MRPS27: variants seen among roughly 807,000 people sequenced by gnomAD.
The protein encoded by MRPS27 is small ribosomal subunit protein mS27.
MRPS27 carries 43 observed loss-of-function variants against 48.9 expected under a neutral mutation model. The observed-to-expected ratio is 0.88, with a 90% CI of 0.69 to 1.13. MRPS27 has a LOEUF of 1.13. MRPS27 is among the 50% of genes most tolerant of loss of function. The pLI is 0.00. For missense variants in MRPS27, 467 were observed against 476.3 expected (o/e 0.98, Z 0.18); for synonymous variants, 188 against 171.9 (o/e 1.09, Z -0.73).
chr5:72,305,329 C>G (rs1396962876), intron 2 of MRPS27, among the ~76,000 whole-genome samples: 1 of 152,100 alleles, frequency 6.6e-6, no homozygotes, highest in African/African-American at 2.4e-5. Context: ...AAGCAGACTT[C>G]AGAAAATCTC....
intron 4 of MRPS27, among the ~76,000 whole-genome samples, chr5:72,271,526 A>G (rs1229453853): frequency 1.1e-4 from 16 of 152,230 alleles, no homozygotes; most frequent in Non-Finnish European, 1.0e-4. Flanking sequence ...CAAATGGCCT[A>G]GGAATTGCTC....
chr5:72,315,180 T>G (rs910358175), intron 1 of MRPS27, among the ~76,000 whole-genome samples: 21 of 152,080 alleles, frequency 1.4e-4, no homozygotes, highest in Admixed American at 2.6e-4. Flanking sequence ...GGAGAAAATA[T>G]TTGCAAAACA....
chr5:72,293,843 A>G (rs1580106564), intron 4 of MRPS27, among the ~76,000 whole-genome samples: 1 of 152,220 alleles, frequency 6.6e-6, no homozygotes, highest in Non-Finnish European at 1.5e-5. Flanking sequence ...GCATTTTGCT[A>G]TAAATAAAAA....
chr5:72,316,016 C>G (rs1177589607), intron 1 of MRPS27, among the ~76,000 whole-genome samples: 5 of 152,156 alleles, frequency 3.3e-5, no homozygotes, highest in Non-Finnish European at 7.3e-5. Flanking sequence ...GTGGTCTATC[C>G]TTACAATGGA....
chr5:72,281,061 A>G (rs1749521151), intron 4 of MRPS27, among the ~76,000 whole-genome samples: 1 of 152,186 alleles, frequency 6.6e-6, no homozygotes, highest in Non-Finnish European at 1.5e-5. Context: ...TGGCCCTTAC[A>G]CCTTGATGCC....
At chr5:72,285,937 T>C (rs1271099602) in intron 4 of MRPS27, among the ~76,000 whole-genome samples, 5 of 152,230 alleles carry the variant, frequency 3.3e-5, no homozygotes, top group African/African-American at 1.2e-4. Context: ...ATTTCCCGTA[T>C]AAACAGAGCT....
chr5:72,234,274 T>C (rs1222312250), intron 5 of MRPS27, 77 bp from the exon 6 acceptor site: 26 of 1,178,054 alleles, frequency 2.2e-5, no homozygotes. Context: ...CTATGTATTA[T>C]TCAGAATAAA....
chr5:72,267,989 C>A (rs1749144074), intron 4 of MRPS27, among the ~76,000 whole-genome samples: 1 of 152,088 alleles, frequency 6.6e-6, no homozygotes. Flanking sequence ...AATGAAAATA[C>A]AGAGAGAAGA....
intron 5 of MRPS27, 57 bp from the exon 6 acceptor site, chr5:72,234,254 T>C: frequency 1.1e-5 from 15 of 1,309,194 alleles, no homozygotes; most frequent in Non-Finnish European, 1.3e-5. Context: ...ATTTAGTCTG[T>C]AATATATGCC....
At chr5:72,236,923 C>CTTTT (rs111411729) in intron 5 of MRPS27, among the ~76,000 whole-genome samples, 1 of 139,758 alleles carries the variant, frequency 7.2e-6, no homozygotes, top group African/African-American at 2.6e-5. Flanking sequence ...TTCTTTTTTC[C>CTTTT]TTTTTTTTTT....
intron 2 of MRPS27, among the ~76,000 whole-genome samples, chr5:72,305,867 C>A (rs958086630): frequency 6.6e-6 from 1 of 152,210 alleles, no homozygotes; most frequent in African/African-American, 2.4e-5. Flanking sequence ...TTACCCTGTA[C>A]CTCCCCAACA....
At chr5:72,231,367 C>A (rs899503089) in intron 7 of MRPS27, among the ~76,000 whole-genome samples, 1 of 152,100 alleles carries the variant, frequency 6.6e-6, no homozygotes, top group African/African-American at 2.4e-5. Context: ...CTTAAGGAAG[C>A]CCTTCCTAAC....
rs757015206 is a variant in MRPS27 at position 72,228,348 on chromosome 5, A to C, written c.612T>G (p.Phe204Leu). The change falls in exon 8 of 11, where the codon TTT (phenylalanine) becomes TTG (leucine). Residue 204 changes from phenylalanine to leucine, a missense_variant. Transcript: ENST00000261413. The part of the protein sequence containing the change: ...TDFSWEEERN[F>L]GASLLLPGLK... The stretch of plus-strand genomic sequence containing the variant: ...GGCCTGGAAGCAAAAGGGATGCACC[A>C]AAGTTCCTCTCCTCTTCCCACTGCA... The C allele has an allele frequency of 9.3e-6, 15 of 1,613,066 alleles. No homozygotes were observed. The highest frequency in any genetic ancestry group is 2.7e-5 in the African/African-American group (2 of 74,866).
intron 4 of MRPS27, among the ~76,000 whole-genome samples, chr5:72,264,410 AT>A (rs200903596): frequency 6.6e-6 from 1 of 152,126 alleles, no homozygotes; most frequent in Non-Finnish European, 1.5e-5. Context: ...TCTGAATTTC[AT>A]TTTTAAAAAA....
intron 4 of MRPS27, among the ~76,000 whole-genome samples, chr5:72,267,276 C>A (rs143087783): frequency 7.2e-5 from 11 of 152,140 alleles, no homozygotes; most frequent in African/African-American, 2.7e-4. Flanking sequence ...TAATTTGAAA[C>A]CGCCTAAAAA....
chr5:72,226,048 A>C lies in MRPS27; in HGVS notation c.837+9T>G, dbSNP rs1747885748. 6.2e-7 allele frequency: 1 copy of C among 1,607,978 alleles called. No individual in the cohort carries two copies. ...CTAAATCTCACTGCCTTAGAGCTGA[A>C]GAACATACCGCTTCTCTACACAGCT... On this transcript the variant is annotated intron_variant, in intron 9 of 10. Transcript: ENST00000261413.
chr5:72,221,162 A>G lies in MRPS27; in HGVS notation c.1006-14T>C. The G allele has an allele frequency of 6.2e-7, 1 of 1,611,916 alleles. No individual in the cohort carries two copies. The highest frequency in any genetic ancestry group is 2.2e-5 in the East Asian group (1 of 44,868). Reference sequence around the variant, plus strand: ...AGAATGTAAGGCCTGTTGGAAACAAATGGGAAAAATGAGAAGAAAGGTAGA... The same window carrying G: ...AGAATGTAAGGCCTGTTGGAAACAAGTGGGAAAAATGAGAAGAAAGGTAGA... On this transcript the variant is annotated splice_polypyrimidine_tract_variant and intron_variant, in intron 10 of 10. Transcript: ENST00000261413.
At chr5:72,296,857 C>T (rs533388472) in intron 3 of MRPS27, among the ~76,000 whole-genome samples, 1 of 152,126 alleles carries the variant, frequency 6.6e-6, no homozygotes, top group Non-Finnish European at 1.5e-5. Context: ...TTTAGCATCC[C>T]ATTATTCCCT....
intron 1 of MRPS27, among the ~76,000 whole-genome samples, chr5:72,317,051 G>GA (rs1426039156): frequency 4.1e-5 from 6 of 147,692 alleles, no homozygotes; most frequent in Non-Finnish European, 6.0e-5. Flanking sequence ...AAAACAAACA[G>GA]AAAAAATGAC....
Sources: allele counts gnomAD v4.1 joint callset (sites outside exome capture counted in the v4.1 genomes callset), GRCh38; gene constraint gnomAD v4.1.1; transcripts MANE v1.5; gene names NCBI Gene and HGNC (gene_info 2026-07-23, HGNC 2026-07-21).